KCNQ4: variants seen among roughly 807,000 people sequenced by gnomAD.
KCNQ4 encodes potassium voltage-gated channel subfamily Q member 4, also known as potassium voltage-gated channel subfamily KQT member 4.
A neutral mutation model predicts 72.6 loss-of-function variants in KCNQ4; 31 were observed. The observed-to-expected ratio is 0.43, with a 90% CI of 0.32 to 0.58. KCNQ4 has a LOEUF of 0.58. Among genes scored for constraint, KCNQ4 ranks in the 20% least tolerant of loss-of-function variants. KCNQ4 has a pLI of 0.08. For synonymous variants in KCNQ4, 405 were observed against 403.7 expected (o/e 1.00, Z -0.04); for missense variants, 869 against 962.6 (o/e 0.90, Z 1.29).
chr1:40,784,364 C>T lies in KCNQ4; in HGVS notation c.271C>T (p.Leu91=). The part of the protein sequence containing the change: ...RRLQNWVYNV[L]ERPRGWAFVY... ...CCTGCAGAACTGGGTCTACAACGTG[C>T]TGGAGCGGCCCCGCGGCTGGGCCTT... The change falls in exon 1 of 14, where the codon CTG becomes TTG. Residue 91 remains leucine (L), a synonymous_variant. Transcript: ENST00000347132. The surrounding 1 kb of genome is among the most constrained non-coding windows in gnomAD (Gnocchi z 4.1). 1.2e-6 allele frequency: 2 copies of T among 1,610,230 alleles called. No individual in the cohort carries two copies. Among genetic ancestry groups the T allele is most frequent in the Non-Finnish European group, 1.7e-6 (2 of 1,179,404 alleles).
At position 40,797,271 on chromosome 1, in the gene KCNQ4, TC is replaced by T. The variant is rs557319291; in HGVS notation, c.314+12867del. Reference sequence around the variant, plus strand: ...CAATCTGGGCATGGCTGGGAAGGCTTCCCAGAGGAAGAGGCTTAAGTTGAGA... The same window carrying T: ...CAATCTGGGCATGGCTGGGAAGGCTTCCAGAGGAAGAGGCTTAAGTTGAGA... On this transcript the variant is annotated intron_variant, in intron 1 of 13. Coordinates refer to ENST00000347132, the MANE Select transcript of KCNQ4 (RefSeq NM_004700.4). Among the ~76,000 whole-genome samples the T allele has an allele frequency of 9.8e-5, 15 of 152,292 alleles. No individual in the cohort carries two copies. The South Asian group carries it at 2.9e-3, about 29-fold the overall frequency.
At chr1:40,823,268 C>T (rs1648363922) in intron 8 of KCNQ4, among the ~76,000 whole-genome samples, 1 of 152,234 alleles carries the variant, frequency 6.6e-6, no homozygotes, top group Non-Finnish European at 1.5e-5. Context: ...CTCCCAGCAT[C>T]ACACTGGTGC....
In KCNQ4 at chr1:40,792,065, G is replaced by A. The variant is rs1393350643; in HGVS notation, c.314+7658G>A. On this transcript the variant is annotated intron_variant, in intron 1 of 13. Transcript: ENST00000347132. The stretch of plus-strand genomic sequence containing the variant: ...TCGGGGGTGGGGTAGGGATCAGATC[G>A]GGTACCCACTGGCTTTTGGGCAGTG... Among the ~76,000 whole-genome samples the A allele has an allele frequency of 5.3e-5, 8 of 152,106 alleles. No homozygotes were observed. In the East Asian group the frequency reaches 1.2e-3, roughly 22 times the overall value.
chr1:40,784,551 T>G lies in KCNQ4; in HGVS notation c.314+144T>G. The G allele has an allele frequency of 1.2e-6, 1 of 803,676 alleles. No homozygotes were observed. Among genetic ancestry groups the G allele is most frequent in the Non-Finnish European group, 2.1e-6 (1 of 480,232 alleles). 49.8% of individuals were successfully genotyped at this position (803,676 alleles called of 1,614,324 possible). A position where few individuals can be genotyped will look rare whatever the true frequency, so the allele number is the denominator to read the frequency against. ...CTCTCCCCCCAGGCCTAAGCCCGGT[T>G]TCTGATCCCCTCGCTGAGCCCGACC... On this transcript the variant is annotated intron_variant, in intron 1 of 13. Transcript: ENST00000347132. This position sits in a 1 kb window ranked among gnomAD's most constrained non-coding sequence, Gnocchi z 4.1.
intron 1 of KCNQ4, among the ~76,000 whole-genome samples, chr1:40,791,599 G>A (rs958412588): frequency 2.0e-5 from 3 of 152,308 alleles, no homozygotes; most frequent in African/African-American, 4.8e-5. Flanking sequence ...CGTGGGCAGC[G>A]CCTGAGGAAG....
rs1647179075 is a variant in KCNQ4 at position 40,784,006 on chromosome 1, G to A, written c.-88G>A. 6.8e-6 allele frequency: 1 copy of A among 147,518 alleles called. No homozygotes were observed. Among genetic ancestry groups the A allele is most frequent in the South Asian group, 1.8e-4 (1 of 5,620 alleles). The allele number at this position is 147,518 out of a possible 1,614,324, so 9.1% of individuals were successfully genotyped here. A position where few individuals can be genotyped will look rare whatever the true frequency, so the allele number is the denominator to read the frequency against. On this transcript the variant is annotated 5_prime_UTR_variant, in exon 1 of 14. Transcript: ENST00000347132. This position sits in a 1 kb window ranked among gnomAD's most constrained non-coding sequence, Gnocchi z 4.1. ...GCCCCGGGTCGCCCCTCTGGCCCCG[G>A]GTCCGAGCCATGCGTCTCTGAGCGC...
chr1:40,810,977 T>A (rs779191687), intron 1 of KCNQ4, among the ~76,000 whole-genome samples: 5 of 152,232 alleles, frequency 3.3e-5, no homozygotes, highest in Non-Finnish European at 5.9e-5. Context: ...ATAATTCACA[T>A]ACAGTAAAAT....
intron 1 of KCNQ4, among the ~76,000 whole-genome samples, chr1:40,805,481 T>G (rs12139805): frequency 0.21 from 32,181 of 152,132 alleles, 3,777 homozygotes; most frequent in East Asian, 0.5. Flanking sequence ...TCCTGGTAGT[T>G]CTGGAACACA....
chr1:40,810,771 G>C (rs1442652763), intron 1 of KCNQ4, among the ~76,000 whole-genome samples: 1 of 152,154 alleles, frequency 6.6e-6, no homozygotes, highest in Admixed American at 6.5e-5. Context: ...CACTGCTGGA[G>C]AGTTACCAAG....
At chr1:40,834,940 C>A (rs1489452474) in intron 11 of KCNQ4, 27 bp from the exon 12 acceptor site, 1 of 1,611,848 alleles carries the variant, frequency 6.2e-7, no homozygotes, top group Non-Finnish European at 8.5e-7. Context: ...TAACAGGACA[C>A]TCCCTCTGAG....
chr1:40,784,558 C>T lies in KCNQ4; in HGVS notation c.314+151C>T. On this transcript the variant is annotated intron_variant, in intron 1 of 13. Coordinates refer to ENST00000347132, the MANE Select transcript of KCNQ4 (RefSeq NM_004700.4). This position sits in a 1 kb window ranked among gnomAD's most constrained non-coding sequence, Gnocchi z 4.1. The stretch of plus-strand genomic sequence containing the variant: ...CCCAGGCCTAAGCCCGGTTTCTGAT[C>T]CCCTCGCTGAGCCCGACCCTAAGCC... 1.3e-6 allele frequency: 1 copy of T among 776,408 alleles called. No individual in the cohort carries two copies. Among genetic ancestry groups the T allele is most frequent in the Non-Finnish European group, 2.2e-6 (1 of 457,714 alleles). 48.1% of individuals were successfully genotyped at this position (776,408 alleles called of 1,614,324 possible).
Position 40,818,522 on chromosome 1 carries a change from G to A in KCNQ4, c.550G>A (p.Ala184Thr). ...CCCTGCAGACTTCATCGTGTTCGTG[G>A]CCTCGGTGGCCGTCATCGCCGCGGG... ...FCVIDFIVFV[A>T]SVAVIAAGTQ... The change falls in exon 4 of 14, where the codon GCC (alanine) becomes ACC (threonine). Residue 184 changes from alanine (A) to threonine (T), a missense_variant. Physicochemically the swap from Ala to Thr is moderately conservative, Grantham distance 58 (BLOSUM62 0). Transcript: ENST00000347132. 2 of 1,601,988 alleles carry A rather than the reference G, an allele frequency of 1.2e-6. No homozygotes were observed. The highest frequency in any genetic ancestry group is 1.7e-6 in the Non-Finnish European group (2 of 1,179,850).
In KCNQ4 at chr1:40,838,316, G is replaced by C; in HGVS notation, c.1881G>C (p.Gln627His). ...CAGCTGCGCCCCGTCCCCAGGTGCA[G>C]TCCATCGAGCACAAGCTGGACCTGC... ...GRVVKVEKQVQSIEHKLDLLL... is the reference protein window; with the variant it reads ...GRVVKVEKQVHSIEHKLDLLL... Residue 627 changes from glutamine (Q) to histidine (H), a missense_variant, in exon 14 of 14, where the codon CAG becomes CAC. Around this residue, in one of 5 missense-constraint regions of KCNQ4, gnomAD observed 480 missense variants for 501.9 expected, o/e 0.96. Coordinates refer to ENST00000347132, the MANE Select transcript of KCNQ4 (RefSeq NM_004700.4). 1 of 1,613,356 alleles carries C rather than the reference G, an allele frequency of 6.2e-7. No homozygotes were observed. The highest frequency in any genetic ancestry group is 8.5e-7 in the Non-Finnish European group (1 of 1,179,856).
At chr1:40,828,358 A>G (rs1256055452) in intron 9 of KCNQ4, among the ~76,000 whole-genome samples, 2 of 152,134 alleles carry the variant, frequency 1.3e-5, no homozygotes, top group African/African-American at 4.8e-5. Flanking sequence ...TTCTTTGTGG[A>G]TTGCGACTAT....
chr1:40,833,271 G>T (rs1229583884), intron 11 of KCNQ4, among the ~76,000 whole-genome samples, 158 bp downstream of exon 11: 1 of 152,092 alleles, frequency 6.6e-6, no homozygotes, highest in Non-Finnish European at 1.5e-5. Flanking sequence ...TTAGCCAGAC[G>T]TGGTGGTGGA....
At chr1:40,813,714 G>C (rs946489577) in intron 1 of KCNQ4, among the ~76,000 whole-genome samples, 9 of 152,150 alleles carry the variant, frequency 5.9e-5, no homozygotes, top group Non-Finnish European at 1.0e-4. Flanking sequence ...GGGTGGGGCA[G>C]GATCCAAAGT....
In KCNQ4 at chr1:40,819,837, C is replaced by T. The variant is rs202180151; in HGVS notation, c.835-38C>T. Reference sequence around the variant, plus strand: ...CCCCCAACAAGCCGTAGGTGGCCCCCGTGACCAGTCCTGCCTGTAACCTGT... The same window carrying T: ...CCCCCAACAAGCCGTAGGTGGCCCCTGTGACCAGTCCTGCCTGTAACCTGT... On this transcript the variant is annotated intron_variant, in intron 5 of 13. Transcript: ENST00000347132. The T allele has an allele frequency of 2.9e-4, 436 of 1,529,330 alleles. 2 individuals are homozygous for T. In the African/African-American group the frequency reaches 4.1e-3, roughly 14 times the overall value. 94.7% of individuals were successfully genotyped at this position (1,529,330 alleles called of 1,614,324 possible).
Position 40,818,696 on chromosome 1 carries a change from C to T in KCNQ4, c.708+16C>T, listed in dbSNP as rs949546878. 7 of 1,573,722 alleles carry T rather than the reference C, an allele frequency of 4.4e-6. No individual in the cohort carries two copies. Among genetic ancestry groups the T allele is most frequent in the South Asian group, 2.3e-5 (2 of 87,628 alleles). On this transcript the variant is annotated intron_variant, in intron 4 of 13. Coordinates refer to ENST00000347132, the MANE Select transcript of KCNQ4 (RefSeq NM_004700.4). ...GCATAGCAAGGTGAGGCCTGCAAGC[C>T]GCGCGCGGAGACCCGAGGGCGTGTC...
In KCNQ4 at chr1:40,818,157, C is replaced by T. The variant is rs1648155315; in HGVS notation, c.406-7C>T. The T allele has an allele frequency of 1.2e-6, 2 of 1,613,834 alleles. No homozygotes were observed. Among genetic ancestry groups the T allele is most frequent in the Non-Finnish European group, 8.5e-7 (1 of 1,180,026 alleles). ...GAGGACCAGAACTCAGGCCCCTGGT[C>T]CCACAGGAATTCGTGATGATCGTGG... On this transcript the variant is annotated splice_region_variant and splice_polypyrimidine_tract_variant and intron_variant, in intron 2 of 13. Coordinates refer to ENST00000347132, the MANE Select transcript of KCNQ4 (RefSeq NM_004700.4).
Sources: allele counts gnomAD v4.1 joint callset (sites outside exome capture counted in the v4.1 genomes callset), GRCh38; gene constraint gnomAD v4.1.1; regional missense constraint gnomAD v4.1.1; non-coding constraint Gnocchi (gnomAD v3.1); transcripts MANE v1.5; gene names NCBI Gene and HGNC (gene_info 2026-07-23, HGNC 2026-07-21).